The following JADE2 variants were observed in gnomAD, a reference collection of about 807,000 sequenced individuals.
JADE2 encodes E3 ubiquitin-protein ligase Jade-2.
Under a neutral mutation model 85.7 loss-of-function variants are expected in JADE2, and 13 were observed. That is an observed-to-expected ratio of 0.15 (90% CI 0.10 to 0.24). JADE2 has a LOEUF of 0.24. Ranked by LOEUF, JADE2 falls within the 10% of genes least tolerant of loss-of-function variation. The pLI is 1.00. For synonymous variants in JADE2, 440 were observed against 456.1 expected (o/e 0.96, Z 0.45); for missense variants, 846 against 1,115.9 (o/e 0.76, Z 3.45).
At chr5:134,535,997 C>A in intron 2 of JADE2, 82 bp downstream of exon 2, 1 of 1,197,046 alleles carries the variant, frequency 8.4e-7, no homozygotes, top group Non-Finnish European at 1.2e-6. Flanking sequence ...GAGGAGGCTG[C>A]CCTGTGGTCT....
chr5:134,570,571 C>T (rs150402426), intron 9 of JADE2, among the ~76,000 whole-genome samples: 1 of 152,278 alleles, frequency 6.6e-6, no homozygotes, highest in East Asian at 1.9e-4. Context: ...GCCGGGTTTC[C>T]GCCACATCCC....
chr5:134,563,819 A>G (rs915415241), intron 7 of JADE2, among the ~76,000 whole-genome samples: 1 of 152,064 alleles, frequency 6.6e-6, no homozygotes, highest in African/African-American at 2.4e-5. Context: ...CATCATGAAG[A>G]CCCTTTGGCT....
chr5:134,532,761 C>A (rs1761324654), intron 1 of JADE2, among the ~76,000 whole-genome samples: 1 of 152,128 alleles, frequency 6.6e-6, no homozygotes, highest in South Asian at 2.1e-4. Flanking sequence ...GTCCCTCTTG[C>A]TGAGGTTGCG....
At position 134,578,822 on chromosome 5, in the gene JADE2, G is replaced by A; in HGVS notation, c.2010G>A (p.Lys670=). The A allele has an allele frequency of 6.2e-7, 1 of 1,613,768 alleles. No homozygotes were observed. Among genetic ancestry groups the A allele is most frequent in the Non-Finnish European group, 8.5e-7 (1 of 1,180,012 alleles). The change falls in exon 12 of 12, where the codon AAG becomes AAA. Residue 670 remains lysine, a synonymous_variant. Transcript: ENST00000681547. The surrounding 1 kb of genome is among the most constrained non-coding windows in gnomAD (Gnocchi z 4.4). The stretch of plus-strand genomic sequence containing the variant: ...GGACGACTCCAGACAAAGCCCCCAA[G>A]AAGACCTGGGGCCAGGATGCAGGCA... ...GSRTTPDKAP[K]KTWGQDAGSG...
intron 11 of JADE2, among the ~76,000 whole-genome samples, chr5:134,577,706 T>C (rs1402274220): frequency 1.3e-5 from 2 of 151,850 alleles, no homozygotes; most frequent in African/African-American, 4.8e-5. Context: ...TTCACACCCC[T>C]CCCGCAAAAA....
At chr5:134,567,111 C>T (rs1485469079) in intron 9 of JADE2, among the ~76,000 whole-genome samples, 4 of 152,146 alleles carry the variant, frequency 2.6e-5, no homozygotes, top group South Asian at 2.1e-4. Context: ...AACGCGGCTC[C>T]GTGGGGTGCT....
intron 3 of JADE2, among the ~76,000 whole-genome samples, chr5:134,544,057 C>G (rs1177261106): frequency 6.6e-6 from 1 of 152,240 alleles, no homozygotes; most frequent in East Asian, 1.9e-4. Flanking sequence ...CCTCCTCTGG[C>G]CTGGGCAGAG....
At chr5:134,524,999 T>C (rs1224863447), upstream of JADE2, among the ~76,000 whole-genome samples, 3 of 151,980 alleles carry the variant, frequency 2.0e-5, no homozygotes, top group South Asian at 2.1e-4. Context: ...CTTCCAGCGC[T>C]GGAGCCCCGG....
chr5:134,567,822 T>C (rs555889262), intron 9 of JADE2, among the ~76,000 whole-genome samples: 1 of 152,228 alleles, frequency 6.6e-6, no homozygotes, highest in Non-Finnish European at 1.5e-5. Context: ...GGCAGCCAGC[T>C]TGCCACCAGG....
rs575705658 is a variant in JADE2 at position 134,550,465 on chromosome 5, C to G, written c.154-1587C>G. ...GAAGGCTGAGTGAACTGACTTAGCACCGGGCACAGCGGTGGATGCTGACTT... is the reference window on the plus strand; with the variant it reads ...GAAGGCTGAGTGAACTGACTTAGCAGCGGGCACAGCGGTGGATGCTGACTT... On this transcript the variant is annotated intron_variant, in intron 3 of 11. Transcript: ENST00000681547. Among the ~76,000 whole-genome samples the G allele has an allele frequency of 7.9e-5, 12 of 152,296 alleles. No individual in the cohort carries two copies. The South Asian group carries it at 1.9e-3, about 24-fold the overall frequency.
At chr5:134,538,385 A>T (rs190102588) in intron 3 of JADE2, among the ~76,000 whole-genome samples, 1 of 152,342 alleles carries the variant, frequency 6.6e-6, no homozygotes, top group African/African-American at 2.4e-5. Context: ...AGTTGCAGTC[A>T]TCCAGCAGGG....
chr5:134,575,804 A>T (rs1764326872), intron 10 of JADE2: 2 of 152,174 alleles, frequency 1.3e-5, no homozygotes, highest in South Asian at 2.1e-4. Flanking sequence ...CAGAAGTAGG[A>T]TTGCTTGAGC....
intron 3 of JADE2, among the ~76,000 whole-genome samples, chr5:134,538,937 A>G (rs939832747): frequency 8.6e-5 from 13 of 150,646 alleles, no homozygotes; most frequent in African/African-American, 4.9e-5. Context: ...GCTCACTTCA[A>G]CCTCTGCCTC....
chr5:134,571,229 C>T (rs1402116650), intron 9 of JADE2, among the ~76,000 whole-genome samples: 1 of 152,184 alleles, frequency 6.6e-6, no homozygotes, highest in Non-Finnish European at 1.5e-5. Flanking sequence ...CAAGGGCCCA[C>T]CCTAATGTAG....
At chr5:134,548,199 G>A (rs1002443384) in intron 3 of JADE2, among the ~76,000 whole-genome samples, 3 of 152,234 alleles carry the variant, frequency 2.0e-5, no homozygotes, top group Non-Finnish European at 4.4e-5. Flanking sequence ...AAAGACCACA[G>A]TCGGATTTGC....
At chr5:134,539,869 C>G (rs1308708766) in intron 3 of JADE2, among the ~76,000 whole-genome samples, 1 of 152,220 alleles carries the variant, frequency 6.6e-6, no homozygotes, top group Admixed American at 6.5e-5. Flanking sequence ...CGCCTTGCCT[C>G]CTCCAGGAGC....
At chr5:134,572,080 GC>G (rs781123826) in intron 9 of JADE2, among the ~76,000 whole-genome samples, 3 of 152,270 alleles carry the variant, frequency 2.0e-5, no homozygotes, top group Non-Finnish European at 4.4e-5. Flanking sequence ...CAGAGCTGTA[GC>G]CAGTGCTTAA....
At chr5:134,568,125 G>GT (rs1763761698) in intron 9 of JADE2, among the ~76,000 whole-genome samples, 1 of 152,192 alleles carries the variant, frequency 6.6e-6, no homozygotes, top group Admixed American at 6.5e-5. Flanking sequence ...GTCAGCCCAT[G>GT]TGTCTGTCCC....
At chr5:134,573,078 A>C (rs890802635) in intron 9 of JADE2, among the ~76,000 whole-genome samples, 15 of 152,202 alleles carry the variant, frequency 9.9e-5, no homozygotes, top group African/African-American at 3.6e-4. Context: ...TTCTGCTCAA[A>C]GCTCTTCCAA....
Sources: gnomAD v4.1 joint callset for allele counts (sites outside exome capture counted in the v4.1 genomes callset) on GRCh38, gnomAD v4.1.1 for gene constraint, Gnocchi (gnomAD v3.1) non-coding constraint, MANE v1.5 for transcripts, NCBI Gene and HGNC (gene_info 2026-07-23, HGNC 2026-07-21) for gene names.